TYW1: variants seen among roughly 807,000 people sequenced by gnomAD.
TYW1 encodes the protein tRNA-yW synthesizing protein 1 homolog.
Under a neutral mutation model 96.2 loss-of-function variants are expected in TYW1, and 46 were observed. The ratio of observed to expected loss-of-function variants is 0.48; its 90% confidence interval spans 0.38 to 0.61. The LOEUF (loss-of-function observed/expected upper bound fraction) is 0.61, where lower values mean the gene tolerates loss of function less well. Ranked by LOEUF, TYW1 falls within the 20% of genes least tolerant of loss-of-function variation. The probability of loss-of-function intolerance (pLI) is 0.00; values close to 1 mark genes in which losing one functional copy is unlikely to be tolerated. For synonymous variants in TYW1, 274 were observed against 323.0 expected (o/e 0.85, Z 1.63); for missense variants, 684 against 909.6 (o/e 0.75, Z 3.19).
chr7:67,144,422 C>T (rs1798542258), intron 13 of TYW1, among the ~76,000 whole-genome samples: 1 of 152,144 alleles, frequency 6.6e-6, no homozygotes, highest in Admixed American at 6.5e-5. Context: ...ACAGGCGTAC[C>T]CTACAGGTCA....
intron 14 of TYW1, among the ~76,000 whole-genome samples, chr7:67,188,865 C>A (rs922207486): frequency 6.6e-6 from 1 of 152,118 alleles, no homozygotes; most frequent in African/African-American, 2.4e-5. Flanking sequence ...CAATGCTGTT[C>A]ATACCCTTTG....
chr7:67,084,706 G>T (rs1298966491), intron 11 of TYW1, among the ~76,000 whole-genome samples: 12 of 151,864 alleles, frequency 7.9e-5, no homozygotes, highest in Non-Finnish European at 1.6e-4. Flanking sequence ...GTGAAGATGG[G>T]GTCTAGCCAT....
At chr7:67,062,603 A>G (rs1337121601) in intron 9 of TYW1, among the ~76,000 whole-genome samples, 2 of 151,162 alleles carry the variant, frequency 1.3e-5, no homozygotes, top group African/African-American at 2.4e-5. Context: ...ACAAATCATC[A>G]GTATCAGGAA....
intron 3 of TYW1, among the ~76,000 whole-genome samples, chr7:67,004,310 T>G (rs1793496780): frequency 1.3e-5 from 2 of 152,192 alleles, no homozygotes; most frequent in South Asian, 4.2e-4. Context: ...GGTGTTTGGG[T>G]CCTGGGGGCA....
At chr7:67,019,547 C>CT (rs1794160532) in intron 6 of TYW1, among the ~76,000 whole-genome samples, 1 of 152,406 alleles carries the variant, frequency 6.6e-6, no homozygotes, top group Admixed American at 6.5e-5. Flanking sequence ...AGGCTAGTCT[C>CT]TAACTCCTGG....
chr7:67,235,260 C>T (rs1285199949), intron 15 of TYW1, among the ~76,000 whole-genome samples: 5 of 152,238 alleles, frequency 3.3e-5, no homozygotes, highest in African/African-American at 4.8e-5. Flanking sequence ...GTGCCTTGTA[C>T]ATAACCTCAC....
chr7:67,057,143 TA>T (rs1795544162), intron 9 of TYW1, among the ~76,000 whole-genome samples: 1 of 151,874 alleles, frequency 6.6e-6, no homozygotes, highest in South Asian at 2.1e-4. Flanking sequence ...GCCTCCCTAG[TA>T]GCTGGGACTA....
intron 15 of TYW1, among the ~76,000 whole-genome samples, chr7:67,199,194 CAAAA>C (rs955993833): frequency 2.1e-5 from 3 of 145,738 alleles, no homozygotes; most frequent in African/African-American, 5.0e-5. Flanking sequence ...GAGACCATCT[CAAAA>C]AAAAAAAATA....
intron 13 of TYW1, among the ~76,000 whole-genome samples, chr7:67,158,918 T>C (rs566373641): frequency 1.8e-4 from 28 of 152,356 alleles, no homozygotes; most frequent in African/African-American, 6.5e-4. Flanking sequence ...TCCGTTTTTC[T>C]TGATTAGCCT....
chr7:67,142,508 A>G (rs1798480383), intron 13 of TYW1, among the ~76,000 whole-genome samples: 1 of 152,086 alleles, frequency 6.6e-6, no homozygotes, highest in African/African-American at 2.4e-5. Flanking sequence ...AGCTCACTGA[A>G]GTCTCTGCCT....
At chr7:67,054,995 G>A (rs921428326) in intron 8 of TYW1, among the ~76,000 whole-genome samples, 2 of 152,140 alleles carry the variant, frequency 1.3e-5, no homozygotes, top group East Asian at 3.8e-4. Flanking sequence ...GCATTACTTT[G>A]TTTTAATCTC....
chr7:67,013,286 C>G (rs995000793), intron 4 of TYW1, among the ~76,000 whole-genome samples: 3 of 151,840 alleles, frequency 2.0e-5, no homozygotes, highest in African/African-American at 7.3e-5. Flanking sequence ...CCACGCTTGC[C>G]TAGTTTTTGT....
chr7:67,022,111 C>CTG (rs145626191), intron 6 of TYW1, among the ~76,000 whole-genome samples: 6,165 of 152,316 alleles, frequency 0.04, 186 homozygotes, highest in Middle Eastern at 0.11. Context: ...TGAGGTCCCA[C>CTG]TGTGTTGCCC....
intron 12 of TYW1, among the ~76,000 whole-genome samples, chr7:67,105,092 A>C (rs1797195611): frequency 6.6e-6 from 1 of 152,240 alleles, no homozygotes; most frequent in South Asian, 2.1e-4. Flanking sequence ...GAGGGGGGCA[A>C]GCCCCATTGC....
chr7:67,013,958 TG>T (rs1263796644), intron 4 of TYW1, among the ~76,000 whole-genome samples: 2 of 151,972 alleles, frequency 1.3e-5, no homozygotes, highest in African/African-American at 4.8e-5. Context: ...TTAGCCAGGA[TG>T]GTCTCGATCT....
intron 10 of TYW1, among the ~76,000 whole-genome samples, chr7:67,068,323 A>G (rs1795932772): frequency 6.6e-6 from 1 of 152,138 alleles, no homozygotes; most frequent in Admixed American, 6.5e-5. Flanking sequence ...CACCCAGCCT[A>G]CTAACCCATT....
chr7:67,144,565 G>C (rs1203534914), intron 13 of TYW1, among the ~76,000 whole-genome samples: 1 of 152,056 alleles, frequency 6.6e-6, no homozygotes, highest in Non-Finnish European at 1.5e-5. Context: ...TCCACCTCCC[G>C]ACTCAAGCAA....
intron 15 of TYW1, among the ~76,000 whole-genome samples, chr7:67,222,406 G>A (rs890846870): frequency 6.6e-6 from 1 of 152,034 alleles, no homozygotes; most frequent in African/African-American, 2.4e-5. Flanking sequence ...AACTCCCTCA[G>A]CTTTTGTTTA....
At chr7:67,081,465 G>T in intron 10 of TYW1, among the ~76,000 whole-genome samples, 1 of 142,746 alleles carries the variant, frequency 7.0e-6, no homozygotes. Context: ...TTTTTAGCTT[G>T]CTTGATCTGA....
Sources: gnomAD v4.1 joint callset for allele counts (sites outside exome capture counted in the v4.1 genomes callset) on GRCh38, gnomAD v4.1.1 for gene constraint, MANE v1.5 for transcripts, NCBI Gene and HGNC (gene_info 2026-07-23, HGNC 2026-07-21) for gene names.